The following MORC2 variants were observed in gnomAD, a reference collection of about 807,000 sequenced individuals.
MORC2 encodes the protein MORC family CW-type zinc finger 2, also known as ATPase MORC2.
In MORC2, 30 loss-of-function variants were observed where a neutral mutation model predicts 136.0. That is an observed-to-expected ratio of 0.22 (90% CI 0.17 to 0.30). MORC2 has a LOEUF of 0.30. MORC2 is among the 10% of genes least tolerant of loss of function. The probability of loss-of-function intolerance (pLI) is 1.00; values close to 1 mark genes in which losing one functional copy is unlikely to be tolerated. For missense variants in MORC2, 922 were observed against 1,333.1 expected, an observed-to-expected ratio of 0.69 and a Z score of 4.80; for synonymous variants, 439 against 487.0, an observed-to-expected ratio of 0.90 and a Z score of 1.30.
chr22:30,931,923 T>A (rs1003736873), intron 24 of MORC2, among the ~76,000 whole-genome samples: 2 of 152,242 alleles, frequency 1.3e-5, no homozygotes, highest in African/African-American at 4.8e-5. Flanking sequence ...TAAGATCCAA[T>A]GCTTATGTCC....
chr22:30,941,992 C>G lies in MORC2; in HGVS notation c.597G>C (p.Val199=). 6.2e-7 allele frequency: 1 copy of G among 1,613,172 alleles called. No homozygotes were observed. Among genetic ancestry groups the G allele is most frequent in the Non-Finnish European group, 8.5e-7 (1 of 1,179,144 alleles). ...CCATGAGTTTGAGATTGAAGATGATCACCAATGTTCCTGAGAAACAGAAAT... is the reference window on the plus strand; with the variant it reads ...CCATGAGTTTGAGATTGAAGATGATGACCAATGTTCCTGAGAAACAGAAAT... ...MKIPGDSGTL[V]IIFNLKLMDN... is the part of the protein sequence containing the mutation. Residue 199 remains valine, a synonymous_variant, in exon 8 of 26, where the codon GTG becomes GTC. Coordinates refer to ENST00000397641, the MANE Select transcript of MORC2 (RefSeq NM_001303256.3). The surrounding 1 kb of genome is among the most constrained non-coding windows in gnomAD (Gnocchi z 4.6).
Position 30,935,011 on chromosome 22 carries a change from C to T in MORC2, c.1963G>A (p.Ala655Thr), listed in dbSNP as rs774970275. 6.2e-7 allele frequency: 1 copy of T among 1,614,030 alleles called. No homozygotes were observed. The highest frequency in any genetic ancestry group is 1.3e-5 in the African/African-American group (1 of 74,978). The change falls in exon 19 of 26, where the codon GCT becomes ACT. Residue 655 changes from alanine to threonine, a missense_variant. Transcript: ENST00000397641. The stretch of plus-strand genomic sequence containing the variant: ...CTGGCCTCCTCCCGGGCTGCCAAAG[C>T]AGGGAGCTTTGGGGTACTGCTGATG... ...PVISSTPKLP[A>T]LAAREEASTS...
chr22:30,944,426 T>G (rs1209512174), intron 6 of MORC2, among the ~76,000 whole-genome samples: 4 of 152,228 alleles, frequency 2.6e-5, no homozygotes, highest in Admixed American at 1.3e-4. Context: ...CCCAGTTTTC[T>G]TCCTACCTTT....
At position 30,932,315 on chromosome 22, in the gene MORC2, T is replaced by C; in HGVS notation, c.2841+44A>G. ...GTTACAACAAATGCAGGGGCAGGGG[T>C]GGGGGAATGAAGAGTGTGGAATCGA... On this transcript the variant is annotated intron_variant, in intron 24 of 25. Transcript: ENST00000397641. The surrounding 1 kb of genome is among the most constrained non-coding windows in gnomAD (Gnocchi z 4.4). 7 of 1,443,970 alleles carry C rather than the reference T, an allele frequency of 4.8e-6. No individual in the cohort carries two copies. The highest frequency in any genetic ancestry group is 5.8e-6 in the Non-Finnish European group (6 of 1,038,076). 89.4% of individuals were successfully genotyped at this position (1,443,970 alleles called of 1,614,324 possible). A position where few individuals can be genotyped will look rare whatever the true frequency, so the allele number is the denominator to read the frequency against.
At chr22:30,956,670 C>T (rs1218915982) in intron 3 of MORC2, 93 bp downstream of exon 3, 17 of 1,071,326 alleles carry the variant, frequency 1.6e-5, no homozygotes, top group African/African-American at 3.2e-5. Context: ...CCCAGGCTCC[C>T]GAATCCAGTT....
At position 30,932,712 on chromosome 22, in the gene MORC2, C is replaced by G; in HGVS notation, c.2580G>C (p.Gln860His). The G allele has an allele frequency of 6.2e-7, 1 of 1,614,194 alleles. No individual in the cohort carries two copies. Among genetic ancestry groups the G allele is most frequent in the Non-Finnish European group, 8.5e-7 (1 of 1,180,018 alleles). The change falls in exon 23 of 26, where the codon CAG (glutamine) becomes CAC (histidine). Residue 860 changes from glutamine to histidine, a missense_variant. Around this residue, in one of 9 missense-constraint regions of MORC2, gnomAD observed 263 missense variants for 388.3 expected, o/e 0.68. Coordinates refer to ENST00000397641, the MANE Select transcript of MORC2 (RefSeq NM_001303256.3). This position sits in a 1 kb window ranked among gnomAD's most constrained non-coding sequence, Gnocchi z 4.4. Reference protein sequence around the residue: ...RLMKPPSPEHQSLDTQQEGGE... With the variant: ...RLMKPPSPEHHSLDTQQEGGE... ...CGCCCTCCTGTTGTGTATCAAGGCT[C>G]TGATGTTCCGGAGAAGGGGGTTTCA...
Position 30,941,355 on chromosome 22 carries a change from C to T in MORC2, c.824+78G>A. 2 of 1,574,170 alleles carry T rather than the reference C, an allele frequency of 1.3e-6. No homozygotes were observed. The highest frequency in any genetic ancestry group is 8.6e-7 in the Non-Finnish European group (1 of 1,159,752). ...TGCCAGAGCCTCTTATACAGCATCCCTCTAACAATGCCCCAGAGAAACGCG... is the reference window on the plus strand; with the variant it reads ...TGCCAGAGCCTCTTATACAGCATCCTTCTAACAATGCCCCAGAGAAACGCG... On this transcript the variant is annotated intron_variant, in intron 9 of 25. Transcript: ENST00000397641. The surrounding 1 kb of genome is among the most constrained non-coding windows in gnomAD (Gnocchi z 4.6).
chr22:30,925,582 C>T lies in MORC2; in HGVS notation c.*1221G>A, dbSNP rs1248949511. ...GGTTAGGGAGATGCCAGAAACACAC[C>T]CAGGTTTGAACCACAGGTTAGTGGT... On this transcript the variant is annotated 3_prime_UTR_variant, in exon 26 of 26. Transcript: ENST00000397641. 1.3e-5 allele frequency: 2 copies of T among 154,028 alleles called. No homozygotes were observed. The highest frequency in any genetic ancestry group is 2.1e-4 in the South Asian group (1 of 4,836). The allele number at this position is 154,028 out of a possible 1,614,324, so 9.5% of individuals were successfully genotyped here.
intron 5 of MORC2, among the ~76,000 whole-genome samples, chr22:30,947,483 T>C (rs1389598403): frequency 6.6e-6 from 1 of 152,210 alleles, no homozygotes; most frequent in East Asian, 1.9e-4. Flanking sequence ...AGGGAGATGA[T>C]GGAGGTGGAA....
chr22:30,935,426 G>T, intron 17 of MORC2, 104 bp from the exon 18 acceptor site: 1 of 1,136,276 alleles, frequency 8.8e-7, no homozygotes, highest in Non-Finnish European at 1.3e-6. Context: ...TAGAAAACCT[G>T]AGCCATAGTC....
intron 24 of MORC2, among the ~76,000 whole-genome samples, chr22:30,929,300 A>G (rs529701163): frequency 5.8e-4 from 88 of 152,346 alleles, no homozygotes; most frequent in African/African-American, 2.0e-3. Flanking sequence ...AGATTCACAT[A>G]TAATTGTTAC....
intron 1 of MORC2, among the ~76,000 whole-genome samples, chr22:30,962,218 A>G (rs1182848799): frequency 6.6e-6 from 1 of 151,076 alleles, no homozygotes; most frequent in Non-Finnish European, 1.5e-5. Flanking sequence ...AAAAAAAAAA[A>G]AAGAAAGAAA....
Position 30,934,302 on chromosome 22 carries a change from A to G in MORC2, c.2194-111T>C. The G allele has an allele frequency of 1.4e-6, 2 of 1,445,072 alleles. No individual in the cohort carries two copies. The highest frequency in any genetic ancestry group is 2.2e-5 in the Admixed American group (1 of 45,988). 89.5% of individuals were successfully genotyped at this position (1,445,072 alleles called of 1,614,324 possible). Reference sequence around the variant, plus strand: ...TCCAAGAGGAGCTGTACTCCCTGCAATCCCTGCCTGACATTACTTGGAATG... The same window carrying G: ...TCCAAGAGGAGCTGTACTCCCTGCAGTCCCTGCCTGACATTACTTGGAATG... On this transcript the variant is annotated intron_variant, in intron 19 of 25. Transcript: ENST00000397641. This position sits in a 1 kb window ranked among gnomAD's most constrained non-coding sequence, Gnocchi z 4.4.
chr22:30,964,100 G>T (rs999485849), intron 1 of MORC2, among the ~76,000 whole-genome samples: 1 of 152,162 alleles, frequency 6.6e-6, no homozygotes, highest in Non-Finnish European at 1.5e-5. Flanking sequence ...GCTCAGATCT[G>T]TAATCCCAGC....
At chr22:30,958,510 G>A in intron 2 of MORC2, 131 bp downstream of exon 2, 2 of 535,322 alleles carry the variant, frequency 3.7e-6, no homozygotes, top group Non-Finnish European at 6.4e-6. Flanking sequence ...TTAGTAAGAG[G>A]CATCCTAGGA....
chr22:30,934,585 C>T lies in MORC2; in HGVS notation c.2193+196G>A, dbSNP rs116237914. Among the ~76,000 whole-genome samples, 86 of 152,300 alleles carry T rather than the reference C, an allele frequency of 5.6e-4. No individual in the cohort carries two copies. Among genetic ancestry groups the T allele is most frequent in the African/African-American group, 2.0e-3 (84 of 41,568 alleles). The stretch of plus-strand genomic sequence containing the variant: ...CTCGGAGGCAACAGTGAAGAGCTCG[C>T]TGTACAGGCAACCGATGTGCTGTCT... On this transcript the variant is annotated intron_variant, in intron 19 of 25. Transcript: ENST00000397641. This position sits in a 1 kb window ranked among gnomAD's most constrained non-coding sequence, Gnocchi z 4.4.
chr22:30,958,841 A>G (rs2147309108), intron 1 of MORC2, 147 bp from the exon 2 acceptor site: 1 of 620,986 alleles, frequency 1.6e-6, no homozygotes, highest in East Asian at 2.9e-5. Context: ...AAGGCTTTCC[A>G]GAGCTCCCCA....
chr22:30,948,591 C>T (rs955801716), intron 5 of MORC2, among the ~76,000 whole-genome samples: 13 of 152,164 alleles, frequency 8.5e-5, no homozygotes, highest in Admixed American at 4.6e-4. Context: ...GGCTTAGAGA[C>T]GTAGTAGCGG....
rs918945182 is a variant in MORC2 at position 30,968,760 on chromosome 22, C to T, written c.-871G>A. ...AGCGCACCACCTGACCGGGCACTAC[C>T]CGGATCTCACAACTGCCTTTGTCCC... On this transcript the variant is annotated 5_prime_UTR_variant, in exon 1 of 26. Transcript: ENST00000397641. Among the ~76,000 whole-genome samples, 2 of 152,210 alleles carry T rather than the reference C, an allele frequency of 1.3e-5. No individual in the cohort carries two copies. Among genetic ancestry groups the T allele is most frequent in the East Asian group, 1.9e-4 (1 of 5,164 alleles).
Sources: allele counts gnomAD v4.1 joint callset (sites outside exome capture counted in the v4.1 genomes callset), GRCh38; gene constraint gnomAD v4.1.1; regional missense constraint gnomAD v4.1.1; non-coding constraint Gnocchi (gnomAD v3.1); transcripts MANE v1.5; gene names NCBI Gene and HGNC (gene_info 2026-07-23, HGNC 2026-07-21).